The following USP31 variants were observed in gnomAD, a reference collection of about 807,000 sequenced individuals.
USP31 encodes the protein ubiquitin carboxyl-terminal hydrolase 31.
Under a neutral mutation model 119.4 loss-of-function variants are expected in USP31, and 44 were observed. The observed-to-expected ratio is 0.37, with a 90% CI of 0.29 to 0.47. The LOEUF (loss-of-function observed/expected upper bound fraction) is 0.47, where lower values mean the gene tolerates loss of function less well. Among genes scored for constraint, USP31 ranks in the 20% least tolerant of loss-of-function variants. The probability of loss-of-function intolerance (pLI) is 0.99; values close to 1 mark genes in which losing one functional copy is unlikely to be tolerated. For missense variants in USP31, 1,643 were observed against 1,730.2 expected (o/e 0.95, Z 0.89); for synonymous variants, 749 against 705.6 (o/e 1.06, Z -0.97).
chr16:23,089,184 G>GGTGTGCATGTACCA (rs1901243257), intron 7 of USP31, among the ~76,000 whole-genome samples: 1 of 151,820 alleles, frequency 6.6e-6, no homozygotes, highest in East Asian at 1.9e-4. Context: ...TGCATGTACC[G>GGTGTGCATGTACCA]GGTGTTCCCT....
intron 1 of USP31, among the ~76,000 whole-genome samples, chr16:23,127,741 G>T (rs1902908979): frequency 6.6e-6 from 1 of 150,514 alleles, no homozygotes; most frequent in Non-Finnish European, 1.5e-5. Flanking sequence ...GCCTCCCAAA[G>T]TGCTGGGATT....
Position 23,066,691 on chromosome 16 carries a change from GA to G in USP31, c.*1354del, listed in dbSNP as rs1900086544. 1 of 152,090 alleles carries G rather than the reference GA, an allele frequency of 6.6e-6. No homozygotes were observed. The highest frequency in any genetic ancestry group is 2.1e-4 in the South Asian group (1 of 4,824). 9.4% of individuals were successfully genotyped at this position (152,090 alleles called of 1,614,324 possible). ...AAAAGAAAAGCTAAAAATTGAGCAG[GA>G]AAGTATTGCCAGGAGACCTTGAAAA... On this transcript the variant is annotated 3_prime_UTR_variant, in exon 16 of 16. Coordinates refer to ENST00000219689, the MANE Select transcript of USP31 (RefSeq NM_020718.4).
chr16:23,142,601 T>C (rs750115885), intron 1 of USP31, among the ~76,000 whole-genome samples: 4 of 152,220 alleles, frequency 2.6e-5, no homozygotes, highest in Non-Finnish European at 5.9e-5. Context: ...ATTCTGGTTC[T>C]GCTCCCTCAA....
intron 13 of USP31, among the ~76,000 whole-genome samples, chr16:23,077,873 T>A (rs1052878882): frequency 2.0e-5 from 3 of 151,910 alleles, no homozygotes; most frequent in African/African-American, 7.3e-5. Flanking sequence ...AAATACAGAA[T>A]TAAAATTCAA....
At chr16:23,127,962 G>T (rs1416288876) in intron 1 of USP31, among the ~76,000 whole-genome samples, 1 of 152,134 alleles carries the variant, frequency 6.6e-6, no homozygotes, top group Non-Finnish European at 1.5e-5. Flanking sequence ...GCAGTACTGG[G>T]ATTATTATTC....
intron 4 of USP31, 49 bp from the exon 5 acceptor site, chr16:23,105,625 A>C (rs552976276): frequency 6.7e-7 from 1 of 1,481,996 alleles, no homozygotes; most frequent in Non-Finnish European, 9.0e-7. Context: ...ATTTCAACTA[A>C]AATATAGAAG....
In USP31 at chr16:23,090,334, C is replaced by A. The variant is rs557281058; in HGVS notation, c.1415+290G>T. ...CTGGGAGGCAGAGGTTGCAGTGAAC[C>A]GAGATCGCGCAACTACACTCCAGCC... On this transcript the variant is annotated intron_variant, in intron 7 of 15. Coordinates refer to ENST00000219689, the MANE Select transcript of USP31 (RefSeq NM_020718.4). Among the ~76,000 whole-genome samples, 13 of 152,178 alleles carry A rather than the reference C, an allele frequency of 8.5e-5. No homozygotes were observed. The South Asian group carries it at 2.1e-3, about 24-fold the overall frequency.
intron 11 of USP31, among the ~76,000 whole-genome samples, chr16:23,083,191 C>G (rs1900915958): frequency 6.6e-6 from 1 of 152,170 alleles, no homozygotes; most frequent in African/African-American, 2.4e-5. Context: ...GTGATCAAGA[C>G]AGATGGAGTA....
chr16:23,100,121 AC>A (rs918295663), intron 6 of USP31, among the ~76,000 whole-genome samples: 5 of 152,196 alleles, frequency 3.3e-5, no homozygotes, highest in African/African-American at 1.2e-4. Context: ...GTCTGTAAGT[AC>A]CCCAAATGAT....
At chr16:23,126,803 G>A (rs189958831) in intron 1 of USP31, among the ~76,000 whole-genome samples, 14 of 152,178 alleles carry the variant, frequency 9.2e-5, no homozygotes, top group Middle Eastern at 3.4e-3. Context: ...ATACGTTAGC[G>A]ACACGAAGAA....
chr16:23,142,186 G>T (rs1282420738), intron 1 of USP31, among the ~76,000 whole-genome samples: 1 of 152,176 alleles, frequency 6.6e-6, no homozygotes, highest in Non-Finnish European at 1.5e-5. Context: ...AGTCCTCATG[G>T]AAAATTTATT....
intron 1 of USP31, among the ~76,000 whole-genome samples, chr16:23,121,803 G>A (rs1902678195): frequency 6.6e-6 from 1 of 152,098 alleles, no homozygotes; most frequent in African/African-American, 2.4e-5. Flanking sequence ...CTGTAAATAA[G>A]GTAATAATAT....
chr16:23,148,975 G>A lies in USP31; in HGVS notation c.296C>T (p.Ala99Val), dbSNP rs1903623821. ...GLRSCFPPGP[A>V]AAPTPPPCPP... ...GCACGGCGGCGGCGTGGGCGCGGCG[G>A]CCGGCCCGGGCGGGAAGCAGCTGCG... is the stretch of plus-strand genomic sequence containing the variant. The change falls in exon 1 of 16, where the codon GCC becomes GTC. Residue 99 changes from alanine (A) to valine (V), a missense_variant. Physicochemically the swap from Ala to Val is moderately conservative, Grantham distance 64 (BLOSUM62 0). This residue lies in a region of USP31 where 302 missense variants were observed against 262.6 expected (regional missense o/e 1.15). Coordinates refer to ENST00000219689, the MANE Select transcript of USP31 (RefSeq NM_020718.4). 6 of 1,019,914 alleles carry A rather than the reference G, an allele frequency of 5.9e-6. No homozygotes were observed. Among genetic ancestry groups the A allele is most frequent in the Non-Finnish European group, 7.1e-6 (6 of 848,204 alleles). The allele number at this position is 1,019,914 out of a possible 1,614,324, so 63.2% of individuals were successfully genotyped here.
chr16:23,087,118 C>T lies in USP31; in HGVS notation c.1596G>A (p.Gln532=), dbSNP rs4597335. The change falls in exon 9 of 16, where the codon CAG becomes CAA. Residue 532 remains glutamine (Q), a synonymous_variant. Coordinates refer to ENST00000219689, the MANE Select transcript of USP31 (RefSeq NM_020718.4). ...TTTCTACTATTGGGTGGCACAAGGG[C>T]TGCTCCTCCTGGGGCAGCAAATATG... The part of the protein sequence containing the change: ...GITYLLPQEE[Q]PLCHPIVERA... 1 of 1,613,468 alleles carries T rather than the reference C, an allele frequency of 6.2e-7. No homozygotes were observed. Among genetic ancestry groups the T allele is most frequent in the African/African-American group, 1.3e-5 (1 of 74,870 alleles).
intron 1 of USP31, among the ~76,000 whole-genome samples, chr16:23,109,098 A>G (rs1000515678): frequency 6.6e-6 from 1 of 152,212 alleles, no homozygotes; most frequent in African/African-American, 2.4e-5. Context: ...TGAAGTTGGT[A>G]TAAACTCCTA....
chr16:23,138,349 C>T (rs534290914), intron 1 of USP31, among the ~76,000 whole-genome samples: 17 of 152,294 alleles, frequency 1.1e-4, no homozygotes, highest in African/African-American at 4.1e-4. Flanking sequence ...TTCTAAATTG[C>T]TTCAGTTTCC....
rs144600490 is a variant in USP31 at position 23,107,839 on chromosome 16, A to G, written c.771+207T>C. Among the ~76,000 whole-genome samples the G allele has an allele frequency of 4.0e-3, 609 of 152,320 alleles. 7 individuals are homozygous for G. The highest frequency in any genetic ancestry group is 0.013 in the African/African-American group (554 of 41,568). ...ATGTTTCCCCTCTCATTAGACTATA[A>G]ATTCCTTGCGGACAACAGCTCTTGT... On this transcript the variant is annotated intron_variant, in intron 2 of 15. Coordinates refer to ENST00000219689, the MANE Select transcript of USP31 (RefSeq NM_020718.4).
chr16:23,146,661 T>C (rs746372937), intron 1 of USP31, among the ~76,000 whole-genome samples: 7 of 152,112 alleles, frequency 4.6e-5, no homozygotes, highest in Non-Finnish European at 8.8e-5. Flanking sequence ...AAAAACAGCA[T>C]TGAGCAGCAT....
chr16:23,089,114 CAGGTT>C (rs1375512707), intron 7 of USP31, among the ~76,000 whole-genome samples: 2 of 152,206 alleles, frequency 1.3e-5, no homozygotes, highest in Non-Finnish European at 2.9e-5. Context: ...GGGAATTCCA[CAGGTT>C]CTTTACTTCA....
Sources: gnomAD v4.1 joint callset for allele counts (sites outside exome capture counted in the v4.1 genomes callset) on GRCh38, gnomAD v4.1.1 for gene constraint, gnomAD v4.1.1 regional missense constraint, MANE v1.5 for transcripts, NCBI Gene and HGNC (gene_info 2026-07-23, HGNC 2026-07-21) for gene names.